Variants in CEP162 observed in about 807,000 individuals in gnomAD.
CEP162 encodes the protein centrosomal protein 162.
Under a neutral mutation model 169.2 loss-of-function variants are expected in CEP162, and 141 were observed. The ratio of observed to expected loss-of-function variants is 0.83; its 90% CI spans 0.73 to 0.96. The LOEUF (loss-of-function observed/expected upper bound fraction) is 0.96. CEP162 is among the 40% of genes least tolerant of loss of function. CEP162 has a pLI of 0.00. For missense variants in CEP162, 1,600 were observed against 1,587.2 expected (o/e 1.01, Z -0.14); for synonymous variants, 540 against 526.4 (o/e 1.03, Z -0.35).
Position 84,185,362 on chromosome 6 carries a change from A to G in CEP162, c.1488T>C (p.Pro496=), listed in dbSNP as rs750152165. 1.2e-6 allele frequency: 2 copies of G among 1,613,674 alleles called. No individual in the cohort carries two copies. Among genetic ancestry groups the G allele is most frequent in the Non-Finnish European group, 8.5e-7 (1 of 1,179,674 alleles). Residue 496 remains proline (P), a synonymous_variant, in exon 13 of 27, where the codon CCT becomes CCC. Transcript: ENST00000403245. ...VPYKKARSAP[P]LLKRKPQSGL... ...CACTCTGGGGTTTCCTTTTAAGTAA[A>G]GGAGGTGCACTTCTGGCCTTCTTGT...
Position 84,186,579 on chromosome 6 carries a change from G to C in CEP162, c.1154C>G (p.Ser385Cys). 1 of 1,607,578 alleles carries C rather than the reference G, an allele frequency of 6.2e-7. No homozygotes were observed. Among genetic ancestry groups the C allele is most frequent in the Non-Finnish European group, 8.5e-7 (1 of 1,177,208 alleles). The change falls in exon 12 of 27, where the codon TCT becomes TGT. Residue 385 changes from serine to cysteine, a missense_variant. Coordinates refer to ENST00000403245, the MANE Select transcript of CEP162 (RefSeq NM_014895.4). ...ATTTGGGTTCATCTTCAGGGGTAAAGAGCTAAAAAATTCAGTTTCTTTTCT... is the reference window on the plus strand; with the variant it reads ...ATTTGGGTTCATCTTCAGGGGTAAACAGCTAAAAAATTCAGTTTCTTTTCT... ...AERKETEFFS[S>C]LPLKMNPNIL...
intron 23 of CEP162, among the ~76,000 whole-genome samples, chr6:84,150,026 A>C (rs1363646376): frequency 6.6e-6 from 1 of 152,154 alleles, no homozygotes; most frequent in African/African-American, 2.4e-5. Flanking sequence ...TGATCTTTTA[A>C]GATAAACTCA....
In CEP162 at chr6:84,226,418, G is replaced by C. The variant is rs2099555777; in HGVS notation, c.-25C>G. ...TAGTCAACAATTTTGACCTCCCAAA[G>C]TAAACATTCTAAAGTACCTCAAACA... On this transcript the variant is annotated 5_prime_UTR_variant, in exon 2 of 27. Coordinates refer to ENST00000403245, the MANE Select transcript of CEP162 (RefSeq NM_014895.4). 1 of 1,527,540 alleles carries C rather than the reference G, an allele frequency of 6.5e-7. No individual in the cohort carries two copies. The highest frequency in any genetic ancestry group is 1.4e-5 in the African/African-American group (1 of 73,068). 94.6% of individuals were successfully genotyped at this position (1,527,540 alleles called of 1,614,324 possible).
rs376186563 is a variant in CEP162 at position 84,160,860 on chromosome 6, T to C, written c.2733A>G (p.Leu911=). The C allele has an allele frequency of 1.9e-6, 3 of 1,613,228 alleles. No homozygotes were observed. The African/African-American group carries it at 4.0e-5, about 22-fold the overall frequency. ...TTTTGGCATCTGCTGCTTTATCTTT[T>C]AAGCGTATCTTCTGCCGAATAGATG... ...GNPSIRQKIR[L]KDKAADAKKI... is the part of the protein sequence containing the mutation. The change falls in exon 21 of 27, where the codon TTA becomes TTG. Residue 911 remains leucine (L), a synonymous_variant. Coordinates refer to ENST00000403245, the MANE Select transcript of CEP162 (RefSeq NM_014895.4).
In CEP162 at chr6:84,201,781, G is replaced by T; in HGVS notation, c.688-14C>A. 1 of 1,271,202 alleles carries T rather than the reference G, an allele frequency of 7.9e-7. No homozygotes were observed. Among genetic ancestry groups the T allele is most frequent in the Non-Finnish European group, 1.1e-6 (1 of 909,148 alleles). The allele number at this position is 1,271,202 out of a possible 1,614,324, so 78.7% of individuals were successfully genotyped here. A position where few individuals can be genotyped will look rare whatever the true frequency, so the allele number is the denominator to read the frequency against. On this transcript the variant is annotated splice_polypyrimidine_tract_variant and intron_variant, in intron 7 of 26. Transcript: ENST00000403245. ...TTTTTCTTCTTCCTAAATTAAAAAA[G>T]GAAAATGATGATATGTTTTGAAACC...
At chr6:84,214,273 C>T (rs924980660) in intron 5 of CEP162, among the ~76,000 whole-genome samples, 2 of 152,024 alleles carry the variant, frequency 1.3e-5, no homozygotes, top group South Asian at 2.1e-4. Flanking sequence ...AGCGAGACTC[C>T]GTCTCAAAAA....
At chr6:84,147,054 T>C (rs1306752714) in intron 24 of CEP162, among the ~76,000 whole-genome samples, 5 of 152,176 alleles carry the variant, frequency 3.3e-5, no homozygotes, top group Non-Finnish European at 7.4e-5. Flanking sequence ...GCATGTTTAT[T>C]GCAGCACTAT....
intron 6 of CEP162, among the ~76,000 whole-genome samples, chr6:84,211,982 T>G (rs1469926905): frequency 1.3e-5 from 2 of 149,806 alleles, no homozygotes; most frequent in African/African-American, 4.9e-5. Context: ...TACCGGAAAC[T>G]TCTCATGAGA....
intron 12 of CEP162, 72 bp from the exon 13 acceptor site, chr6:84,185,520 A>C: frequency 7.7e-7 from 1 of 1,297,216 alleles, no homozygotes; most frequent in Non-Finnish European, 1.1e-6. Context: ...AATATTTAAT[A>C]GATGGCAAAA....
intron 26 of CEP162, among the ~76,000 whole-genome samples, chr6:84,125,920 A>T (rs1275778058): frequency 1.3e-5 from 2 of 152,198 alleles, no homozygotes; most frequent in Admixed American, 6.5e-5. Context: ...CAAGTGCCTA[A>T]AAACACATCA....
At chr6:84,215,104 A>C (rs965829497) in intron 5 of CEP162, among the ~76,000 whole-genome samples, 178 bp downstream of exon 5, 2 of 152,244 alleles carry the variant, frequency 1.3e-5, no homozygotes, top group African/African-American at 4.8e-5. Flanking sequence ...AATACCAAGA[A>C]ACATATTCTA....
chr6:84,161,152 C>A (rs1176639586), intron 20 of CEP162, among the ~76,000 whole-genome samples: 3 of 151,962 alleles, frequency 2.0e-5, no homozygotes, highest in Admixed American at 1.3e-4. Context: ...TGCTTATGCT[C>A]TAGTAGAGGG....
intron 16 of CEP162, 62 bp from the exon 17 acceptor site, chr6:84,171,780 T>A (rs1588786788): frequency 1.6e-6 from 1 of 626,568 alleles, no homozygotes; most frequent in East Asian, 3.2e-5. Flanking sequence ...TAACATAATA[T>A]ATGTGCTCAT....
At chr6:84,185,500 G>T in intron 12 of CEP162, 52 bp from the exon 13 acceptor site, 17 of 1,452,836 alleles carry the variant, frequency 1.2e-5, no homozygotes, top group African/African-American at 1.4e-5. Flanking sequence ...TTTAACTATT[G>T]TTGTAAATGA....
chr6:84,220,681 T>C (rs1315137010), intron 3 of CEP162, among the ~76,000 whole-genome samples: 2 of 152,124 alleles, frequency 1.3e-5, no homozygotes, highest in East Asian at 3.8e-4. Context: ...TAACAAACTG[T>C]GATACCAAGG....
chr6:84,179,446 G>A (rs776961568), intron 13 of CEP162, among the ~76,000 whole-genome samples: 3 of 152,264 alleles, frequency 2.0e-5, no homozygotes, highest in African/African-American at 7.2e-5. Flanking sequence ...TCTGTTGGCT[G>A]CATAAATGTC....
intron 18 of CEP162, among the ~76,000 whole-genome samples, chr6:84,166,671 A>C (rs979977748): frequency 6.6e-6 from 1 of 152,106 alleles, no homozygotes; most frequent in Non-Finnish European, 1.5e-5. Flanking sequence ...TCTCCTCCCA[A>C]TCCTGGGATA....
At position 84,140,751 on chromosome 6, in the gene CEP162, C is replaced by T. The variant is rs535924107; in HGVS notation, c.3870+5936G>A. 9.8e-4 allele frequency among the ~76,000 whole-genome samples: 149 copies of T among 152,234 alleles called. 8 individuals carry two copies. The South Asian group carries it at 0.03, about 31-fold the overall frequency. On this transcript the variant is annotated intron_variant, in intron 25 of 26. Coordinates refer to ENST00000403245, the MANE Select transcript of CEP162 (RefSeq NM_014895.4). Reference sequence around the variant, plus strand: ...TATTGCCCAGGCTGGTTTCAAACTCCTGGCCTTGGGAGATCCTCTCACCTC... The same window carrying T: ...TATTGCCCAGGCTGGTTTCAAACTCTTGGCCTTGGGAGATCCTCTCACCTC...
chr6:84,172,685 G>A (rs974055160), intron 16 of CEP162, among the ~76,000 whole-genome samples: 4 of 152,134 alleles, frequency 2.6e-5, no homozygotes, highest in Non-Finnish European at 5.9e-5. Flanking sequence ...AGTAACTGAA[G>A]GCAGTGTGTC....
Sources: gnomAD v4.1 joint callset for allele counts (sites outside exome capture counted in the v4.1 genomes callset) on GRCh38, gnomAD v4.1.1 for gene constraint, MANE v1.5 for transcripts, NCBI Gene and HGNC (gene_info 2026-07-23, HGNC 2026-07-21) for gene names.